SCD5: variants seen among roughly 807,000 people sequenced by gnomAD.
The protein encoded by SCD5 is acyl-CoA-desaturase 4.
Under a neutral mutation model 30.4 loss-of-function variants are expected in SCD5, and 20 were observed. The observed-to-expected ratio is 0.66, with a 90% CI of 0.46 to 0.96. The LOEUF (loss-of-function observed/expected upper bound fraction) is 0.96, where lower values mean the gene tolerates loss of function less well. Among genes scored for constraint, SCD5 ranks in the 40% least tolerant of loss-of-function variants. The pLI is 0.00. For missense variants in SCD5, 381 were observed against 443.3 expected (o/e 0.86, Z 1.26); for synonymous variants, 173 against 176.4 (o/e 0.98, Z 0.16).
intron 1 of SCD5, among the ~76,000 whole-genome samples, chr4:82,747,018 C>A (rs891786495): frequency 2.8e-5 from 4 of 145,040 alleles, no homozygotes; most frequent in African/African-American, 1.1e-4. Flanking sequence ...ATGACACAGG[C>A]ACCAAGGGGA....
At chr4:82,765,423 T>G (rs1339551025) in intron 1 of SCD5, among the ~76,000 whole-genome samples, 1 of 152,194 alleles carries the variant, frequency 6.6e-6, no homozygotes, top group Non-Finnish European at 1.5e-5. Context: ...CACAGTGAAT[T>G]GGTTCCAGGA....
intron 1 of SCD5, among the ~76,000 whole-genome samples, chr4:82,792,068 A>G (rs910803293): frequency 6.6e-6 from 1 of 151,298 alleles, no homozygotes; most frequent in African/African-American, 2.4e-5. Flanking sequence ...GACCAGCCTG[A>G]CCAACATGAA....
chr4:82,651,509 C>T (rs1196923359), intron 3 of SCD5, among the ~76,000 whole-genome samples: 1 of 152,158 alleles, frequency 6.6e-6, no homozygotes, highest in Non-Finnish European at 1.5e-5. Context: ...ACATTAAGTA[C>T]AGTGTACACT....
At chr4:82,748,032 G>A (rs1160370667) in intron 1 of SCD5, among the ~76,000 whole-genome samples, 1 of 152,186 alleles carries the variant, frequency 6.6e-6, no homozygotes, top group Admixed American at 6.5e-5. Context: ...GAATTACTTG[G>A]GGATTTAAGT....
chr4:82,791,217 G>C (rs1015907846), intron 1 of SCD5, among the ~76,000 whole-genome samples: 2 of 151,874 alleles, frequency 1.3e-5, no homozygotes, highest in African/African-American at 4.8e-5. Flanking sequence ...CAGCCTAGGA[G>C]ACAGAGCAAG....
chr4:82,670,213 C>T (rs1206311078), intron 3 of SCD5, among the ~76,000 whole-genome samples: 1 of 152,132 alleles, frequency 6.6e-6, no homozygotes, highest in African/African-American at 2.4e-5. Flanking sequence ...GGAATTGTCA[C>T]ACAGGAATTT....
intron 1 of SCD5, among the ~76,000 whole-genome samples, chr4:82,761,296 C>T (rs1721358083): frequency 1.3e-5 from 2 of 152,218 alleles, no homozygotes; most frequent in Non-Finnish European, 1.5e-5. Flanking sequence ...CCTCTAATAG[C>T]TAACCCAAAT....
chr4:82,684,021 CTCTAAGTGAAGAGTT>C (rs1728642247), intron 2 of SCD5, among the ~76,000 whole-genome samples: 1 of 152,198 alleles, frequency 6.6e-6, no homozygotes, highest in African/African-American at 2.4e-5. Context: ...CTTGTAGAAA[CTCTAAGTGAAGAGTT>C]TCAAATAGCT....
chr4:82,783,758 G>A (rs984683024), intron 1 of SCD5, among the ~76,000 whole-genome samples: 1 of 149,158 alleles, frequency 6.7e-6, no homozygotes, highest in Non-Finnish European at 1.5e-5. Flanking sequence ...AGCCGAGATC[G>A]CACCATTGCA....
chr4:82,748,467 T>C (rs1721039238), intron 1 of SCD5, among the ~76,000 whole-genome samples: 1 of 152,198 alleles, frequency 6.6e-6, no homozygotes, highest in Admixed American at 6.5e-5. Context: ...TGCCAGGAAT[T>C]TAAACGTTAA....
chr4:82,755,754 C>G (rs756817489), intron 1 of SCD5, among the ~76,000 whole-genome samples: 34 of 152,146 alleles, frequency 2.2e-4, no homozygotes, highest in Non-Finnish European at 4.7e-4. Flanking sequence ...CAAAACCAAA[C>G]CCTCTAAAGC....
intron 1 of SCD5, among the ~76,000 whole-genome samples, chr4:82,785,532 C>T (rs1721967472): frequency 1.3e-5 from 2 of 152,186 alleles, no homozygotes; most frequent in Admixed American, 6.5e-5. Flanking sequence ...TGCAAAGTCA[C>T]CTCCTTGAGA....
At chr4:82,705,527 C>T in intron 1 of SCD5, 114 bp from the exon 2 acceptor site, 1 of 1,359,292 alleles carries the variant, frequency 7.4e-7, no homozygotes, top group Non-Finnish European at 1.0e-6. Context: ...GGGGGGAAAG[C>T]TGCAACATGA....
chr4:82,779,449 C>T (rs887085345), intron 1 of SCD5, among the ~76,000 whole-genome samples: 12 of 152,176 alleles, frequency 7.9e-5, no homozygotes, highest in Non-Finnish European at 1.8e-4. Flanking sequence ...AAACCTAGGT[C>T]AGGTTTCTAA....
intron 1 of SCD5, among the ~76,000 whole-genome samples, chr4:82,740,819 C>T (rs1720857003): frequency 6.6e-6 from 1 of 152,210 alleles, no homozygotes; most frequent in South Asian, 2.1e-4. Context: ...ATCCTTTACC[C>T]CAAATCTGCT....
chr4:82,782,980 T>C (rs1662622306), intron 1 of SCD5, among the ~76,000 whole-genome samples: 1 of 152,208 alleles, frequency 6.6e-6, no homozygotes, highest in African/African-American at 2.4e-5. Context: ...GGCCACCTGC[T>C]TCGGGGCCTG....
chr4:82,753,480 G>A (rs754086514), intron 1 of SCD5: 6 of 480,300 alleles, frequency 1.2e-5, no homozygotes, highest in Middle Eastern at 5.3e-4. Flanking sequence ...GACTCTGACA[G>A]TGATAGTGTC....
chr4:82,702,493 C>T (rs931044386), intron 2 of SCD5, among the ~76,000 whole-genome samples: 2 of 152,022 alleles, frequency 1.3e-5, no homozygotes, highest in African/African-American at 4.8e-5. Context: ...CCTACTATTG[C>T]CTCTCAGCCC....
At chr4:82,707,716 C>A (rs1477864789) in intron 1 of SCD5, among the ~76,000 whole-genome samples, 2 of 152,186 alleles carry the variant, frequency 1.3e-5, no homozygotes, top group South Asian at 4.1e-4. Flanking sequence ...CCCAGTCCAA[C>A]AGCCCTCAAG....
Sources: allele counts gnomAD v4.1 joint callset (sites outside exome capture counted in the v4.1 genomes callset), GRCh38; gene constraint gnomAD v4.1.1; transcripts MANE v1.5; gene names NCBI Gene and HGNC (gene_info 2026-07-23, HGNC 2026-07-21).